The following RFX6 variants were observed in gnomAD, a reference collection of about 807,000 sequenced individuals.
RFX6 encodes the protein regulatory factor X6, also known as DNA-binding protein RFX6.
A neutral mutation model predicts 110.8 loss-of-function variants in RFX6; 50 were observed. The observed-to-expected ratio is 0.45, with a 90% CI of 0.36 to 0.57. The LOEUF (loss-of-function observed/expected upper bound fraction) is 0.57, where lower values mean the gene tolerates loss of function less well. RFX6 is among the 20% of genes least tolerant of loss of function. RFX6 has a pLI of 0.00. For synonymous variants in RFX6, 383 were observed against 411.2 expected, an observed-to-expected ratio of 0.93 and a Z score of 0.83; for missense variants, 990 against 1,127.0, an observed-to-expected ratio of 0.88 and a Z score of 1.74.
chr6:116,890,587 TA>T (rs1348910161), intron 4 of RFX6, among the ~76,000 whole-genome samples: 1 of 152,150 alleles, frequency 6.6e-6, no homozygotes, highest in African/African-American at 2.4e-5. Context: ...GATTGTATGA[TA>T]GAATATGCTC....
chr6:116,925,889 T>C (rs966010812), intron 16 of RFX6, among the ~76,000 whole-genome samples: 1 of 141,612 alleles, frequency 7.1e-6, no homozygotes, highest in Non-Finnish European at 1.5e-5. Flanking sequence ...ATATTAGAAG[T>C]ATGAATAATT....
intron 2 of RFX6, among the ~76,000 whole-genome samples, chr6:116,879,213 T>C (rs1255742475): frequency 6.6e-6 from 1 of 151,958 alleles, no homozygotes; most frequent in Admixed American, 6.6e-5. Context: ...AAAAAACTTG[T>C]ACCCCAAATG....
intron 6 of RFX6, among the ~76,000 whole-genome samples, chr6:116,904,375 T>C (rs1470303069): frequency 6.6e-6 from 1 of 152,116 alleles, no homozygotes; most frequent in Non-Finnish European, 1.5e-5. Flanking sequence ...GTTAGTACTT[T>C]TTATATCTTG....
At chr6:116,929,980 A>C (rs1235526457) in intron 18 of RFX6, among the ~76,000 whole-genome samples, 1 of 152,206 alleles carries the variant, frequency 6.6e-6, no homozygotes, top group Non-Finnish European at 1.5e-5. Flanking sequence ...GCAAATGGTC[A>C]TTGCTTCTAG....
intron 7 of RFX6, among the ~76,000 whole-genome samples, chr6:116,913,304 C>G (rs1301765065): frequency 6.6e-6 from 1 of 152,158 alleles, no homozygotes; most frequent in East Asian, 1.9e-4. Context: ...TCAAGTAATC[C>G]ACCTGCCTCA....
At position 116,877,934 on chromosome 6, in the gene RFX6, C is replaced by A; in HGVS notation, c.362C>A (p.Thr121Lys). The part of the protein sequence containing the change: ...TQIVKDKKKQ[T>K]QLTLQWLEEN... ...ATTGTGAAGGATAAAAAGAAGCAGA[C>A]ACAGCTCACGCTGCAGTGGTGAGAC... Residue 121 changes from threonine (T) to lysine (K), a missense_variant, in exon 2 of 19, where the codon ACA (threonine) becomes AAA (lysine). Thr to Lys is a moderately conservative substitution (Grantham distance 78, BLOSUM62 -1). This residue lies in a region of RFX6 where 175 missense variants were observed against 162.3 expected (regional missense o/e 1.08). Coordinates refer to ENST00000332958, the MANE Select transcript of RFX6 (RefSeq NM_173560.4). 6.2e-7 allele frequency: 1 copy of A among 1,614,114 alleles called. No individual in the cohort carries two copies. Among genetic ancestry groups the A allele is most frequent in the Non-Finnish European group, 8.5e-7 (1 of 1,180,000 alleles).
intron 4 of RFX6, 85 bp from the exon 5 acceptor site, chr6:116,893,902 G>T: frequency 1.2e-6 from 1 of 823,630 alleles, no homozygotes; most frequent in Non-Finnish European, 2.2e-6. Context: ...TCTTATTCAT[G>T]GTTATGTCAG....
intron 4 of RFX6, among the ~76,000 whole-genome samples, chr6:116,892,088 C>A (rs908709857): frequency 6.6e-6 from 1 of 152,160 alleles, no homozygotes; most frequent in African/African-American, 2.4e-5. Context: ...CCTTGACCAC[C>A]ATATATTATT....
chr6:116,900,046 TAAAC>T (rs928918784), intron 6 of RFX6, among the ~76,000 whole-genome samples: 2 of 152,076 alleles, frequency 1.3e-5, no homozygotes, highest in Non-Finnish European at 2.9e-5. Context: ...GAGTACCAAA[TAAAC>T]AAAAATTAAG....
At chr6:116,882,876 G>T (rs868645749) in intron 4 of RFX6, among the ~76,000 whole-genome samples, 1 of 152,040 alleles carries the variant, frequency 6.6e-6, no homozygotes, top group African/African-American at 2.4e-5. Context: ...CAAATGACAT[G>T]CACAGATGAC....
chr6:116,908,123 C>T (rs1321118541), intron 6 of RFX6, among the ~76,000 whole-genome samples: 1 of 151,980 alleles, frequency 6.6e-6, no homozygotes, highest in African/African-American at 2.4e-5. Flanking sequence ...AAAGTAATTA[C>T]CATTAATCAA....
chr6:116,920,065 T>C (rs1775558787), intron 11 of RFX6, among the ~76,000 whole-genome samples: 1 of 152,244 alleles, frequency 6.6e-6, no homozygotes, highest in Non-Finnish European at 1.5e-5. Context: ...TACATATGTA[T>C]ACATGTGCCC....
At position 116,925,669 on chromosome 6, in the gene RFX6, A is replaced by G; in HGVS notation, c.1885+10A>G. 1 of 1,598,666 alleles carries G rather than the reference A, an allele frequency of 6.3e-7. No homozygotes were observed. Among genetic ancestry groups the G allele is most frequent in the Non-Finnish European group, 8.6e-7 (1 of 1,166,478 alleles). On this transcript the variant is annotated intron_variant, in intron 16 of 18. Transcript: ENST00000332958. ...AACATGCCGCTCACAGGTACGCTAA[A>G]GAGAACTGCTTAGGCTCCAGCACAT... is the stretch of plus-strand genomic sequence containing the variant.
Position 116,916,015 on chromosome 6 carries a change from C to G in RFX6, c.788C>G (p.Thr263Arg), listed in dbSNP as rs931311046. 6.2e-7 allele frequency: 1 copy of G among 1,606,704 alleles called. No individual in the cohort carries two copies. Among genetic ancestry groups the G allele is most frequent in the East Asian group, 2.2e-5 (1 of 44,760 alleles). Residue 263 changes from threonine to arginine, a missense_variant, in exon 8 of 19, where the codon ACG becomes AGG. Physicochemically the swap from Thr to Arg is moderately conservative, Grantham distance 71 (BLOSUM62 -1). Transcript: ENST00000332958. ...TTTTCTTCCTTGAAATAGGTTGATA[C>G]GCTCATAATGATGTACAAAACTCAC... ...QGCISKDKVD[T>R]LIMMYKTHCQ...
intron 2 of RFX6, among the ~76,000 whole-genome samples, chr6:116,878,234 T>C (rs1029955148): frequency 6.6e-6 from 1 of 152,238 alleles, no homozygotes; most frequent in African/African-American, 2.4e-5. Flanking sequence ...TGAACGTTTT[T>C]ATGACTTACT....
At chr6:116,923,340 AT>A in intron 14 of RFX6, 116 bp downstream of exon 14, 1 of 735,278 alleles carries the variant, frequency 1.4e-6, no homozygotes. Context: ...CTGTATCTGA[AT>A]ATGGAGCTAT....
chr6:116,888,859 C>T (rs1774756948), intron 4 of RFX6, among the ~76,000 whole-genome samples: 1 of 152,072 alleles, frequency 6.6e-6, no homozygotes, highest in African/African-American at 2.4e-5. Flanking sequence ...AATTTATGTA[C>T]ACTTTGCATG....
At chr6:116,930,111 A>G (rs954311522) in intron 18 of RFX6, among the ~76,000 whole-genome samples, 5 of 152,342 alleles carry the variant, frequency 3.3e-5, no homozygotes, top group Middle Eastern at 3.4e-3. Flanking sequence ...GGAAGCTTTG[A>G]CGAAACATAG....
At chr6:116,892,292 G>A (rs1259428306) in intron 4 of RFX6, among the ~76,000 whole-genome samples, 4 of 152,190 alleles carry the variant, frequency 2.6e-5, no homozygotes, top group African/African-American at 9.6e-5. Flanking sequence ...CCACTTTGGG[G>A]GGCTCATTCT....
Sources: gnomAD v4.1 joint callset for allele counts (sites outside exome capture counted in the v4.1 genomes callset) on GRCh38, gnomAD v4.1.1 for gene constraint, gnomAD v4.1.1 regional missense constraint, MANE v1.5 for transcripts, NCBI Gene and HGNC (gene_info 2026-07-23, HGNC 2026-07-21) for gene names.